RBMXL1: variants seen among roughly 807,000 people sequenced by gnomAD.
The protein encoded by RBMXL1 is RBMX like 1, also known as RNA binding motif protein, X-linked-like-1.
RBMXL1 carries 18 observed loss-of-function variants against 29.0 expected under a neutral mutation model. The ratio of observed to expected loss-of-function variants is 0.62; its 90% CI spans 0.43 to 0.92. RBMXL1 has a LOEUF of 0.92. Ranked by LOEUF, RBMXL1 falls within the 40% of genes least tolerant of loss-of-function variation. RBMXL1 has a pLI of 0.00. For missense variants in RBMXL1, 403 were observed against 495.8 expected (o/e 0.81, Z 1.78); for synonymous variants, 141 against 170.4 (o/e 0.83, Z 1.34).
At position 88,982,687 on chromosome 1, in the gene RBMXL1, T is replaced by G; in HGVS notation, c.1140A>C (p.Arg380=). The part of the protein sequence containing the change: ...APRGAGPGGS[R]SDRGGGRSRY Reference sequence around the variant, plus strand: ...TGCTTCTGCCTCCCCCTCTATCAGATCGGCTTCCTCCAGGGCCAGCACCTC... The same window carrying G: ...TGCTTCTGCCTCCCCCTCTATCAGAGCGGCTTCCTCCAGGGCCAGCACCTC... The change falls in exon 3 of 3, where the codon CGA becomes CGC. Residue 380 remains arginine (R), a synonymous_variant. Transcript: ENST00000652648. 1 of 1,613,562 alleles carries G rather than the reference T, an allele frequency of 6.2e-7. No homozygotes were observed. The highest frequency in any genetic ancestry group is 1.3e-5 in the African/African-American group (1 of 75,024).
chr1:88,988,785 T>C (rs1313611811), intron 1 of RBMXL1, among the ~76,000 whole-genome samples: 1 of 152,210 alleles, frequency 6.6e-6, no homozygotes, highest in Non-Finnish European at 1.5e-5. Flanking sequence ...ATTAAAGTTG[T>C]TAGAAACAGT....
In RBMXL1 at chr1:88,982,955, G is replaced by T. The variant is rs1677182081; in HGVS notation, c.872C>A (p.Ser291Ter). The T allele has an allele frequency of 1.2e-6, 2 of 1,613,732 alleles. No individual in the cohort carries two copies. Among genetic ancestry groups the T allele is most frequent in the African/African-American group, 2.7e-5 (2 of 74,908 alleles). ...YRDSYESYGN[S>*]RSAPLTRGPP... ...CCCTCGTGTAAGTGGAGCACTACGT[G>T]AGTTACCATAACTCTCATATGAATC... Residue 291 changes from serine to a stop codon, truncating the protein, a stop_gained, in exon 3 of 3, where the codon TCA becomes TAA. Coordinates refer to ENST00000652648, the MANE Select transcript of RBMXL1 (RefSeq NM_001162536.3). LOFTEE classifies it high-confidence loss of function.
At chr1:88,990,129 T>C (rs1326027642) in intron 1 of RBMXL1, among the ~76,000 whole-genome samples, 1 of 152,140 alleles carries the variant, frequency 6.6e-6, no homozygotes, top group Non-Finnish European at 1.5e-5. Flanking sequence ...TCCTTCCCAG[T>C]ATAATAAAGG....
intron 2 of RBMXL1, among the ~76,000 whole-genome samples, chr1:88,985,654 C>G (rs977588661): frequency 6.6e-6 from 1 of 152,110 alleles, no homozygotes; most frequent in Admixed American, 6.6e-5. Flanking sequence ...ATTTGCTAAG[C>G]AGGAAAATGA....
rs1452684633 is a variant in RBMXL1, at chr1:88,979,495, T to G, written c.*3159A>C. ...CTTTAATACAGTATATATAAAGAAC[T>G]TTTACAACTCAATAAGACAAACAAT... is the stretch of plus-strand genomic sequence containing the variant. On this transcript the variant is annotated 3_prime_UTR_variant, in exon 3 of 3. Transcript: ENST00000652648. 6.6e-6 allele frequency: 1 copy of G among 152,190 alleles called. No homozygotes were observed. The highest frequency in any genetic ancestry group is 1.5e-5 in the Non-Finnish European group (1 of 68,028). The allele number at this position is 152,190 out of a possible 1,614,324, so 9.4% of individuals were successfully genotyped here.
At chr1:88,986,840 G>C (rs1490989911) in intron 2 of RBMXL1, among the ~76,000 whole-genome samples, 2 of 152,028 alleles carry the variant, frequency 1.3e-5, no homozygotes, top group South Asian at 4.1e-4. Context: ...TTGTAACACT[G>C]GCCAGTGTTT....
rs1306885038 is a variant in RBMXL1 at position 88,981,852 on chromosome 1, A to AT, written c.*801dup. The AT allele has an allele frequency of 3.3e-6, 2 of 602,680 alleles. No individual in the cohort carries two copies. The highest frequency in any genetic ancestry group is 4.0e-5 in the African/African-American group (2 of 49,640). The allele number at this position is 602,680 out of a possible 1,614,324, so 37.3% of individuals were successfully genotyped here. On this transcript the variant is annotated 3_prime_UTR_variant, in exon 3 of 3. Transcript: ENST00000652648. ...TAAGCCTTTAGGAAGTTGGAGATAA[A>AT]TTCATTGCTTATCTATTTTCTCCTT...
At chr1:88,989,089 T>G (rs949112611) in intron 1 of RBMXL1, among the ~76,000 whole-genome samples, 1 of 152,152 alleles carries the variant, frequency 6.6e-6, no homozygotes, top group African/African-American at 2.4e-5. Flanking sequence ...TTCAGGCAAA[T>G]AGATATTTCT....
In RBMXL1 at chr1:88,989,814, C is replaced by T. The variant is rs151196328; in HGVS notation, c.-340-1463G>A. On this transcript the variant is annotated intron_variant, in intron 1 of 2. Coordinates refer to ENST00000652648, the MANE Select transcript of RBMXL1 (RefSeq NM_001162536.3). Reference sequence around the variant, plus strand: ...AATCTCAAAGCCTAAATCCCAAACCCCTCTCTCCTATCTGTCTTCTACAGC... The same window carrying T: ...AATCTCAAAGCCTAAATCCCAAACCTCTCTCTCCTATCTGTCTTCTACAGC... Among the ~76,000 whole-genome samples, 741 of 152,218 alleles carry T rather than the reference C, an allele frequency of 4.9e-3. 6 individuals are homozygous for T. The highest frequency in any genetic ancestry group is 0.017 in the African/African-American group (709 of 41,534).
At chr1:88,986,814 C>T (rs1015862757) in intron 2 of RBMXL1, among the ~76,000 whole-genome samples, 1 of 152,152 alleles carries the variant, frequency 6.6e-6, no homozygotes, top group Non-Finnish European at 1.5e-5. Context: ...TTGATTTAAA[C>T]TTATCACTAT....
intron 1 of RBMXL1, among the ~76,000 whole-genome samples, chr1:88,991,132 T>C (rs149591831): frequency 2.1e-3 from 323 of 152,306 alleles, no homozygotes; most frequent in Non-Finnish European, 3.7e-3. Flanking sequence ...GTTTAGACTG[T>C]TTAAAATGAA....
intron 2 of RBMXL1, among the ~76,000 whole-genome samples, chr1:88,986,765 T>A (rs1375207966): frequency 6.6e-6 from 1 of 152,202 alleles, no homozygotes; most frequent in Non-Finnish European, 1.5e-5. Context: ...TCTAAGTAAG[T>A]TCACAGTAAC....
rs1677154149 is a variant in RBMXL1 at position 88,982,657 on chromosome 1, G to A, written c.1170C>T (p.Tyr390=). ...TGGTCCAAAGTTTTGTTTGTTTCTA[G>A]TATCTGCTTCTGCCTCCCCCTCTAT... is the stretch of plus-strand genomic sequence containing the variant. ...RSDRGGGRSR[Y] The change falls in exon 3 of 3, where the codon TAC becomes TAT. Residue 390 remains tyrosine, a synonymous_variant. Coordinates refer to ENST00000652648, the MANE Select transcript of RBMXL1 (RefSeq NM_001162536.3). 1.9e-6 allele frequency: 3 copies of A among 1,593,722 alleles called. No homozygotes were observed. The Admixed American group carries it at 5.4e-5, about 28-fold the overall frequency.
intron 1 of RBMXL1, among the ~76,000 whole-genome samples, chr1:88,990,081 G>A (rs544858946): frequency 1.2e-4 from 18 of 152,068 alleles, no homozygotes; most frequent in South Asian, 4.2e-4. Context: ...AGCAGATTGC[G>A]CTCTCTACTT....
intron 2 of RBMXL1, 77 bp downstream of exon 2, chr1:88,988,175 A>G: frequency 2.3e-6 from 2 of 884,166 alleles, no homozygotes; most frequent in South Asian, 1.6e-5. Context: ...TTTGTAAAAA[A>G]GCATCTGAAA....
At chr1:88,984,361 T>G (rs1045528334) in intron 2 of RBMXL1, among the ~76,000 whole-genome samples, 35 of 152,062 alleles carry the variant, frequency 2.3e-4, no homozygotes, top group Middle Eastern at 3.4e-3. Context: ...ATTACCGGCA[T>G]GCGCCACCAC....
In RBMXL1 at chr1:88,981,794, T is replaced by C. The variant is rs150625611; in HGVS notation, c.*860A>G. ...GGCATTTGATGCTTTAAATCTGATG[T>C]GGAATGCTGATAGATTCACTTTTTA... On this transcript the variant is annotated 3_prime_UTR_variant, in exon 3 of 3. Coordinates refer to ENST00000652648, the MANE Select transcript of RBMXL1 (RefSeq NM_001162536.3). 0.019 allele frequency: 4,188 copies of C among 222,812 alleles called. 149 individuals carry two copies. Among genetic ancestry groups the C allele is most frequent in the African/African-American group, 0.076 (3,236 of 42,744 alleles). The allele number at this position is 222,812 out of a possible 1,614,324, so 13.8% of individuals were successfully genotyped here.
Position 88,983,927 on chromosome 1 carries a change from CAGTT to C in RBMXL1, c.-105_-102del. On this transcript the variant is annotated 5_prime_UTR_variant, in exon 3 of 3. Transcript: ENST00000652648. ...GCAGCTCAGCACCAGTGGCGGCTGT[CAGTT>C]AGGAGGACTGAACCGCGAAGCCGCT... 1.0e-5 allele frequency: 14 copies of C among 1,398,338 alleles called. No individual in the cohort carries two copies. The highest frequency in any genetic ancestry group is 1.4e-5 in the Non-Finnish European group (14 of 992,596). The allele number at this position is 1,398,338 out of a possible 1,614,324, so 86.6% of individuals were successfully genotyped here.
rs1330054562 is a variant in RBMXL1, at chr1:88,981,554, A to C, written c.*1100T>G. The C allele has an allele frequency of 6.4e-6, 1 of 156,276 alleles. No individual in the cohort carries two copies. The highest frequency in any genetic ancestry group is 1.5e-5 in the Non-Finnish European group (1 of 68,268). The allele number at this position is 156,276 out of a possible 1,614,324, so 9.7% of individuals were successfully genotyped here. On this transcript the variant is annotated 3_prime_UTR_variant, in exon 3 of 3. Coordinates refer to ENST00000652648, the MANE Select transcript of RBMXL1 (RefSeq NM_001162536.3). ...CAACACTGATGCCTTCCTGAGATCC[A>C]CAGGAACCCTTGAAGGCAAAATCTA...
Sources: gnomAD v4.1 joint callset for allele counts (sites outside exome capture counted in the v4.1 genomes callset) on GRCh38, gnomAD v4.1.1 for gene constraint, MANE v1.5 for transcripts, NCBI Gene and HGNC (gene_info 2026-07-23, HGNC 2026-07-21) for gene names.